Variants in TMEM51 observed in about 807,000 individuals in gnomAD.
The protein encoded by TMEM51 is transmembrane protein 51, also known as chromosome 1 open reading frame 72.
TMEM51 carries 8 observed loss-of-function variants against 13.6 expected under a neutral mutation model. The observed-to-expected ratio is 0.59, with a 90% CI of 0.35 to 1.07. The LOEUF is 1.07. Among genes scored for constraint, TMEM51 ranks in the 50% least tolerant of loss-of-function variants. The probability of loss-of-function intolerance (pLI) is 0.02; values close to 1 mark genes in which losing one functional copy is unlikely to be tolerated. For missense variants in TMEM51, 279 were observed against 330.7 expected, an observed-to-expected ratio of 0.84 and a Z score of 1.21; for synonymous variants, 147 against 144.4, an observed-to-expected ratio of 1.02 and a Z score of -0.13.
At chr1:15,183,364 T>A (rs1270461408) in intron 1 of TMEM51, among the ~76,000 whole-genome samples, 36 of 152,182 alleles carry the variant, frequency 2.4e-4, no homozygotes, top group Admixed American at 2.4e-3. Context: ...AAAGGTACAG[T>A]GATGGGAGCA....
At chr1:15,162,728 C>G (rs1642826310) in intron 1 of TMEM51, among the ~76,000 whole-genome samples, 1 of 152,006 alleles carries the variant, frequency 6.6e-6, no homozygotes, top group Non-Finnish European at 1.5e-5. Context: ...CATGGACGAA[C>G]CTTGAGGACA....
intron 1 of TMEM51, among the ~76,000 whole-genome samples, chr1:15,173,569 C>T (rs1325125183): frequency 6.6e-6 from 1 of 151,992 alleles, no homozygotes; most frequent in African/African-American, 2.4e-5. Flanking sequence ...ATCATGAAAA[C>T]TAGACTTGCT....
At chr1:15,186,165 C>G (rs553802886) in intron 1 of TMEM51, among the ~76,000 whole-genome samples, 3 of 152,202 alleles carry the variant, frequency 2.0e-5, no homozygotes, top group East Asian at 1.9e-4. Flanking sequence ...CTTGTTTTCC[C>G]AAACCCCTCA....
Position 15,214,972 on chromosome 1 carries a change from T to C in TMEM51, c.-116T>C, listed in dbSNP as rs113923544. 170 of 1,014,458 alleles carry C rather than the reference T, an allele frequency of 1.7e-4. 1 individual carries two copies. The African/African-American group carries it at 2.5e-3, about 15-fold the overall frequency. The allele number at this position is 1,014,458 out of a possible 1,614,324, so 62.8% of individuals were successfully genotyped here. A position where few individuals can be genotyped will look rare whatever the true frequency, so the allele number is the denominator to read the frequency against. ...TCCCGCAGGAGTTCAGCTGATATTT[T>C]CTAGTGTGGGGCGAGAGATTTTGTG... On this transcript the variant is annotated 5_prime_UTR_variant, in exon 3 of 4. Transcript: ENST00000376008.
intron 1 of TMEM51, among the ~76,000 whole-genome samples, chr1:15,185,119 C>T (rs892819332): frequency 1.3e-5 from 2 of 151,350 alleles, no homozygotes; most frequent in South Asian, 4.2e-4. Flanking sequence ...TGTGCGTATA[C>T]GCAGATTTCC....
At chr1:15,153,530 G>GCC (rs5772620), upstream of TMEM51, among the ~76,000 whole-genome samples, 6 of 151,816 alleles carry the variant, frequency 4.0e-5, no homozygotes, top group Non-Finnish European at 7.4e-5. Context: ...CTTAGGCCCA[G>GCC]CCCCCGGCAC....
intron 1 of TMEM51, among the ~76,000 whole-genome samples, chr1:15,204,027 TC>T (rs1644205682): frequency 6.6e-6 from 1 of 152,362 alleles, no homozygotes; most frequent in African/African-American, 2.4e-5. Context: ...GTGACTTCTC[TC>T]CTTTTTTCTG....
chr1:15,219,814 A>C lies in TMEM51; in HGVS notation c.*71A>C. The C allele has an allele frequency of 1.3e-6, 2 of 1,521,498 alleles. No individual in the cohort carries two copies. The highest frequency in any genetic ancestry group is 1.8e-6 in the Non-Finnish European group (2 of 1,124,880). 94.2% of individuals were successfully genotyped at this position (1,521,498 alleles called of 1,614,324 possible). A position where few individuals can be genotyped will look rare whatever the true frequency, so the allele number is the denominator to read the frequency against. On this transcript the variant is annotated 3_prime_UTR_variant, in exon 4 of 4. Coordinates refer to ENST00000376008, the MANE Select transcript of TMEM51 (RefSeq NM_001136218.2). ...ACCCCCAAGACTCTAACAAAGCCAC[A>C]TGAGCCACAGTTGAGAAGCGGAGGG...
chr1:15,170,248 G>A (rs1053545253), intron 1 of TMEM51, among the ~76,000 whole-genome samples: 16 of 152,042 alleles, frequency 1.1e-4, no homozygotes, highest in Admixed American at 9.8e-4. Flanking sequence ...ATGCCTGGGA[G>A]TACAGACCCA....
intron 1 of TMEM51, among the ~76,000 whole-genome samples, chr1:15,174,189 G>T (rs1643384696): frequency 2.0e-5 from 3 of 152,214 alleles, no homozygotes; most frequent in Admixed American, 2.0e-4. Context: ...TGAATGACAT[G>T]CAGGGTTCTG....
chr1:15,193,960 A>T (rs1643992796), intron 1 of TMEM51, among the ~76,000 whole-genome samples: 1 of 152,218 alleles, frequency 6.6e-6, no homozygotes, highest in Admixed American at 6.5e-5. Flanking sequence ...ATTCCACTCT[A>T]CTGCTAAGCC....
Position 15,219,820 on chromosome 1 carries a change from C to A in TMEM51, c.*77C>A. The A allele has an allele frequency of 6.6e-7, 1 of 1,515,316 alleles. No homozygotes were observed. The highest frequency in any genetic ancestry group is 1.3e-5 in the South Asian group (1 of 79,532). The allele number at this position is 1,515,316 out of a possible 1,614,324, so 93.9% of individuals were successfully genotyped here. On this transcript the variant is annotated 3_prime_UTR_variant, in exon 4 of 4. Transcript: ENST00000376008. ...AAGACTCTAACAAAGCCACATGAGC[C>A]ACAGTTGAGAAGCGGAGGGGCCAGC...
Position 15,215,021 on chromosome 1 carries a change from T to C in TMEM51, c.-67T>C. 2.1e-6 allele frequency: 3 copies of C among 1,459,866 alleles called. No homozygotes were observed. The South Asian group carries it at 3.9e-5, about 19-fold the overall frequency. The allele number at this position is 1,459,866 out of a possible 1,614,324, so 90.4% of individuals were successfully genotyped here. On this transcript the variant is annotated 5_prime_UTR_variant, in exon 3 of 4. Coordinates refer to ENST00000376008, the MANE Select transcript of TMEM51 (RefSeq NM_001136218.2). ...TGGAGCGCATTTAAGGGGTTTTTGTTGTGACTGCTGCCTTGTATACATTTA... is the reference window on the plus strand; with the variant it reads ...TGGAGCGCATTTAAGGGGTTTTTGTCGTGACTGCTGCCTTGTATACATTTA...
chr1:15,205,496 G>A (rs1001731495), intron 1 of TMEM51, among the ~76,000 whole-genome samples: 7 of 152,124 alleles, frequency 4.6e-5, no homozygotes, highest in African/African-American at 1.4e-4. Context: ...AGCTGCATGC[G>A]TATCTTCCTT....
intron 1 of TMEM51, among the ~76,000 whole-genome samples, chr1:15,173,229 T>C (rs1643352220): frequency 6.7e-6 from 1 of 149,108 alleles, no homozygotes; most frequent in Non-Finnish European, 1.5e-5. Flanking sequence ...TTTTTTTTTT[T>C]TTTTTTTTGA....
intron 1 of TMEM51, among the ~76,000 whole-genome samples, chr1:15,156,252 G>T (rs1642589414): frequency 6.6e-6 from 1 of 152,208 alleles, no homozygotes; most frequent in Non-Finnish European, 1.5e-5. Flanking sequence ...GAGTTTCTCT[G>T]TCTGCGTGAG....
At chr1:15,175,727 A>G (rs533853726) in intron 1 of TMEM51, among the ~76,000 whole-genome samples, 39 of 152,348 alleles carry the variant, frequency 2.6e-4, no homozygotes, top group African/African-American at 8.9e-4. Context: ...GGGAACTGCC[A>G]TTTATAAAAC....
rs564572983 is a variant in TMEM51 at position 15,207,059 on chromosome 1, G to A, written c.-266-3431G>A. ...CAAAAGTGATTGTGGGCTGAAACTT[G>A]GCAGAGAGAGCCCCACTGAATTCCT... is the stretch of plus-strand genomic sequence containing the variant. On this transcript the variant is annotated intron_variant, in intron 1 of 3. Transcript: ENST00000376008. This position sits in a 1 kb window ranked among gnomAD's most constrained non-coding sequence, Gnocchi z 4.6. Among the ~76,000 whole-genome samples the A allele has an allele frequency of 1.1e-4, 16 of 152,200 alleles. No homozygotes were observed. The highest frequency in any genetic ancestry group is 2.2e-4 in the Non-Finnish European group (15 of 68,030).
chr1:15,171,177 TA>T (rs1643258814), intron 1 of TMEM51: 1 of 1,301,476 alleles, frequency 7.7e-7, no homozygotes, highest in Non-Finnish European at 1.0e-6. Context: ...TTTGCATTTC[TA>T]ACCAGCTCCT....
Sources: gnomAD v4.1 joint callset for allele counts (sites outside exome capture counted in the v4.1 genomes callset) on GRCh38, gnomAD v4.1.1 for gene constraint, Gnocchi (gnomAD v3.1) non-coding constraint, MANE v1.5 for transcripts, NCBI Gene and HGNC (gene_info 2026-07-23, HGNC 2026-07-21) for gene names.